NEB: variants seen among roughly 807,000 people sequenced by gnomAD.
The protein encoded by NEB is nebulin, also known as nemaline myopathy type 2.
In NEB, 512 loss-of-function variants were observed where a neutral mutation model predicts 952.2. The ratio of observed to expected loss-of-function variants is 0.54; its 90% CI spans 0.50 to 0.58. NEB has a LOEUF of 0.58. NEB is among the 20% of genes least tolerant of loss of function. The pLI is 0.00. For missense variants in NEB, 8,428 were observed against 9,231.1 expected (o/e 0.91, Z 3.56); for synonymous variants, 2,900 against 3,149.8 (o/e 0.92, Z 2.66).
At chr2:151,719,765 G>A (rs1451406894) in intron 9 of NEB, among the ~76,000 whole-genome samples, 3 of 151,928 alleles carry the variant, frequency 2.0e-5, no homozygotes, top group Non-Finnish European at 4.4e-5. Flanking sequence ...TGTAGTCCCA[G>A]CTACTTGGGA....
chr2:151,530,824 C>A, intron 145 of NEB, 170 bp downstream of exon 145: 1 of 566,780 alleles, frequency 1.8e-6, no homozygotes, highest in Non-Finnish European at 3.1e-6. Context: ...GACTGTTCAG[C>A]TGTGTCCAGT....
chr2:151,554,116 C>T (rs574785257), intron 125 of NEB, 91 bp from the exon 126 acceptor site: 251 of 1,211,864 alleles, frequency 2.1e-4, no homozygotes, highest in Non-Finnish European at 2.7e-4. Context: ...CAACTCACAG[C>T]GAACAGTTGG....
chr2:151,545,944 C>T lies in NEB; in HGVS notation c.20521G>A (p.Val6841Met). ...ARKMRDKYKV[V>M]LDTPEYRKVQ... is the part of the protein sequence containing the mutation. ...TTTCTGTATTCTGGAGTGTCAAGCA[C>T]CACTTTGTATTTGTCTCGCATCTTC... The change falls in exon 135 of 182, where the codon GTG becomes ATG. Residue 6841 changes from valine to methionine, a missense_variant. By Grantham distance (21) the Val-to-Met change is conservative. Transcript: ENST00000397345. 6.2e-7 allele frequency: 1 copy of T among 1,610,536 alleles called. No individual in the cohort carries two copies. Among genetic ancestry groups the T allele is most frequent in the Non-Finnish European group, 8.5e-7 (1 of 1,178,922 alleles).
In NEB at chr2:151,524,636, GT is replaced by G; in HGVS notation, c.22273-21del. The G allele has an allele frequency of 4.7e-6, 2 of 426,162 alleles. No individual in the cohort carries two copies. Among genetic ancestry groups the G allele is most frequent in the Non-Finnish European group, 9.0e-6 (2 of 222,224 alleles). 26.4% of individuals were successfully genotyped at this position (426,162 alleles called of 1,614,324 possible). A position where few individuals can be genotyped will look rare whatever the true frequency, so the allele number is the denominator to read the frequency against. On this transcript the variant is annotated intron_variant, in intron 151 of 181. Coordinates refer to ENST00000397345, the MANE Select transcript of NEB (RefSeq NM_001164508.2). ...AGCGACCTTTATTGGGGAAGAAAAT[GT>G]TTACTCAAGAGAGAGGCTTTTTTTT...
chr2:151,725,652 G>A (rs1032730278), intron 5 of NEB, 92 bp from the exon 6 acceptor site: 4 of 1,012,276 alleles, frequency 4.0e-6, no homozygotes, highest in South Asian at 1.4e-5. Flanking sequence ...AATCCTTCAA[G>A]TTATAGCAAT....
chr2:151,611,028 T>C (rs2097932801), intron 78 of NEB, among the ~76,000 whole-genome samples, 162 bp from the exon 79 acceptor site: 1 of 152,196 alleles, frequency 6.6e-6, no homozygotes, highest in South Asian at 2.1e-4. Flanking sequence ...AAAAGAGTCA[T>C]GGGGAAAGTA....
At chr2:151,709,197 T>C (rs1362978982) in intron 12 of NEB, among the ~76,000 whole-genome samples, 1 of 152,174 alleles carries the variant, frequency 6.6e-6, no homozygotes, top group Non-Finnish European at 1.5e-5. Context: ...AAAATAATGA[T>C]AGTGTTGCAT....
intron 92 of NEB, among the ~76,000 whole-genome samples, chr2:151,594,952 A>C: frequency 3.9e-5 from 1 of 25,474 alleles, no homozygotes; most frequent in East Asian, 5.0e-4. Context: ...ATAACAACAA[A>C]AGTTCTGTGG....
intron 17 of NEB, 138 bp from the exon 18 acceptor site, chr2:151,695,820 A>G: frequency 3.0e-6 from 2 of 663,220 alleles, no homozygotes; most frequent in Non-Finnish European, 5.3e-6. Flanking sequence ...GGCCATCTGC[A>G]TTACTGATCC....
At chr2:151,610,164 C>A (rs184853095) in intron 80 of NEB, 44 bp from the exon 81 acceptor site, 7 of 1,489,094 alleles carry the variant, frequency 4.7e-6, no homozygotes, top group South Asian at 3.8e-5. Flanking sequence ...GTTTTAAAAC[C>A]ATGCTCATGT....
chr2:151,635,339 C>A lies in NEB; in HGVS notation c.9102+888G>T, dbSNP rs140432671. Among the ~76,000 whole-genome samples, 963 of 152,138 alleles carry A rather than the reference C, an allele frequency of 6.3e-3. 2 individuals are homozygous for A. Among genetic ancestry groups the A allele is most frequent in the African/African-American group, 0.022 (910 of 41,492 alleles). ...GCAAGTGGGCCTTGATTTTTAGAGC[C>A]GTCATTTGTTCCTCAAGAATCCCTG... On this transcript the variant is annotated intron_variant, in intron 64 of 181. Coordinates refer to ENST00000397345, the MANE Select transcript of NEB (RefSeq NM_001164508.2).
intron 3 of NEB, among the ~76,000 whole-genome samples, chr2:151,732,580 T>C (rs2099811493): frequency 6.6e-6 from 1 of 152,148 alleles, no homozygotes; most frequent in East Asian, 1.9e-4. Context: ...TTATTTATAT[T>C]TGCTTGTATG....
intron 155 of NEB, among the ~76,000 whole-genome samples, chr2:151,518,668 G>C (rs541319152): frequency 6.6e-6 from 1 of 152,308 alleles, no homozygotes; most frequent in East Asian, 1.9e-4. Context: ...AAAGTTAAAA[G>C]TGAAAGAAAC....
intron 13 of NEB, among the ~76,000 whole-genome samples, chr2:151,703,084 G>A (rs1043586946): frequency 1.3e-5 from 2 of 150,348 alleles, no homozygotes; most frequent in South Asian, 2.2e-4. Flanking sequence ...GCATTTGCTT[G>A]TCTGTAAAGT....
intron 10 of NEB, chr2:151,716,205 C>A (rs1480543159): frequency 2.6e-6 from 1 of 391,994 alleles, no homozygotes; most frequent in East Asian, 7.4e-5. Flanking sequence ...ATGGCACAAT[C>A]TTGGCTCACT....
chr2:151,553,821 G>A lies in NEB; in HGVS notation c.19626+7C>T, dbSNP rs750247193. On this transcript the variant is annotated splice_region_variant and intron_variant, in intron 126 of 181. Coordinates refer to ENST00000397345, the MANE Select transcript of NEB (RefSeq NM_001164508.2). Reference sequence around the variant, plus strand: ...GTGGAGGGGTACTTCTTAAGTCACAGGCTTACATCGCTGATCTGATCTGTG... The same window carrying A: ...GTGGAGGGGTACTTCTTAAGTCACAAGCTTACATCGCTGATCTGATCTGTG... 5 of 1,604,162 alleles carry A rather than the reference G, an allele frequency of 3.1e-6. No individual in the cohort carries two copies. The highest frequency in any genetic ancestry group is 4.3e-6 in the Non-Finnish European group (5 of 1,174,064).
At chr2:151,726,365 T>G (rs534585372) in intron 5 of NEB, among the ~76,000 whole-genome samples, 1 of 152,332 alleles carries the variant, frequency 6.6e-6, no homozygotes, top group Admixed American at 6.5e-5. Context: ...CTTAGATTAT[T>G]TAAGGCTCTG....
rs2154001611 is a variant in NEB at position 151,616,002 on chromosome 2, A to G, written c.11289T>C (p.Asp3763=). The G allele has an allele frequency of 6.2e-7, 1 of 1,606,478 alleles. No homozygotes were observed. Among genetic ancestry groups the G allele is most frequent in the Non-Finnish European group, 8.5e-7 (1 of 1,175,348 alleles). Residue 3763 remains aspartate (D), a splice_region_variant and synonymous_variant, in exon 76 of 182, where the codon GAT becomes GAC. Coordinates refer to ENST00000397345, the MANE Select transcript of NEB (RefSeq NM_001164508.2). ...TGGCTTTTCCAAAACATCCACTTAC[A>G]TCACTAGCAATATCTCTTGAAGCCT... ...AAKASRDIAS[D]YKYKEGYRKQ... is the part of the protein sequence containing the mutation.
chr2:151,499,187 A>G (rs1364612108), intron 169 of NEB, 111 bp downstream of exon 169: 9 of 563,542 alleles, frequency 1.6e-5, no homozygotes, highest in Non-Finnish European at 2.4e-5. Context: ...GTTGGGAAAA[A>G]GACAGGTCAA....
Sources: gnomAD v4.1 joint callset for allele counts (sites outside exome capture counted in the v4.1 genomes callset) on GRCh38, gnomAD v4.1.1 for gene constraint, MANE v1.5 for transcripts, NCBI Gene and HGNC (gene_info 2026-07-23, HGNC 2026-07-21) for gene names.